Variants in C10orf90 observed in about 807,000 individuals in gnomAD.
C10orf90 encodes the protein chromosome 10 open reading frame 90.
A neutral mutation model predicts 62.5 loss-of-function variants in C10orf90; 56 were observed. The ratio of observed to expected loss-of-function variants is 0.90; its 90% CI spans 0.72 to 1.12. The LOEUF is 1.12. C10orf90 is among the 50% of genes most tolerant of loss of function. The pLI is 0.00. For missense variants in C10orf90, 970 were observed against 880.4 expected (o/e 1.10, Z -1.29); for synonymous variants, 386 against 340.4 (o/e 1.13, Z -1.47).
intron 1 of C10orf90, among the ~76,000 whole-genome samples, chr10:126,661,212 G>C (rs1211493107): frequency 6.6e-6 from 1 of 152,160 alleles, no homozygotes; most frequent in Non-Finnish European, 1.5e-5. Flanking sequence ...ATGGCTCTAT[G>C]ATAGAGTTGG....
At chr10:126,599,476 C>G (rs1309715902) in intron 2 of C10orf90, among the ~76,000 whole-genome samples, 2 of 151,774 alleles carry the variant, frequency 1.3e-5, no homozygotes, top group African/African-American at 2.4e-5. Context: ...CTGGATTCCA[C>G]TCTTAAAGAC....
chr10:126,521,877 G>T (rs1041510781), intron 2 of C10orf90, among the ~76,000 whole-genome samples: 2 of 152,164 alleles, frequency 1.3e-5, no homozygotes, highest in African/African-American at 4.8e-5. Flanking sequence ...GTAGCTTATA[G>T]TTAATAATGC....
intron 2 of C10orf90, among the ~76,000 whole-genome samples, chr10:126,530,760 C>A (rs2133954715): frequency 6.6e-6 from 1 of 151,898 alleles, no homozygotes; most frequent in East Asian, 1.9e-4. Context: ...AACATGCCAA[C>A]CCTACAAAAC....
intron 1 of C10orf90, among the ~76,000 whole-genome samples, chr10:126,657,751 G>T (rs975943381): frequency 5.9e-5 from 9 of 151,936 alleles, no homozygotes; most frequent in Admixed American, 4.6e-4. Flanking sequence ...GAGTAGCTGG[G>T]ATTACAGGCT....
At chr10:126,666,302 G>GA (rs1268401615) in intron 1 of C10orf90, among the ~76,000 whole-genome samples, 1 of 151,890 alleles carries the variant, frequency 6.6e-6, no homozygotes, top group Non-Finnish European at 1.5e-5. Context: ...CAAACAAATC[G>GA]AAAAAATAAG....
At chr10:126,584,291 CATCT>C (rs1265607873) in intron 2 of C10orf90, among the ~76,000 whole-genome samples, 1 of 151,826 alleles carries the variant, frequency 6.6e-6, no homozygotes, top group African/African-American at 2.4e-5. Context: ...CCTGTCCATC[CATCT>C]GCCTTTCCAC....
At chr10:126,573,447 TG>T (rs1844549140) in intron 2 of C10orf90, among the ~76,000 whole-genome samples, 2 of 152,190 alleles carry the variant, frequency 1.3e-5, no homozygotes, top group African/African-American at 4.8e-5. Context: ...AGGCAGAAAT[TG>T]GGCATAAGAC....
chr10:126,560,171 C>A (rs917349521), intron 2 of C10orf90, among the ~76,000 whole-genome samples: 1 of 152,122 alleles, frequency 6.6e-6, no homozygotes, highest in African/African-American at 2.4e-5. Context: ...CCTTGGCCAG[C>A]AAGAATTACT....
intron 2 of C10orf90, among the ~76,000 whole-genome samples, chr10:126,543,282 C>T (rs573509100): frequency 4.6e-5 from 7 of 152,234 alleles, no homozygotes; most frequent in Admixed American, 2.6e-4. Flanking sequence ...AGTCATCAAC[C>T]GTCTGTGCAC....
At chr10:126,635,886 T>C (rs1845941300) in intron 2 of C10orf90, among the ~76,000 whole-genome samples, 1 of 137,610 alleles carries the variant, frequency 7.3e-6, no homozygotes, top group Admixed American at 7.8e-5. Flanking sequence ...CTGTACTCAC[T>C]CCAAATGGTC....
At chr10:126,566,127 G>C (rs908800399) in intron 2 of C10orf90, among the ~76,000 whole-genome samples, 3 of 152,288 alleles carry the variant, frequency 2.0e-5, no homozygotes, top group Non-Finnish European at 4.4e-5. Flanking sequence ...TGGCATTTAT[G>C]CAAGGATAAC....
intron 2 of C10orf90, among the ~76,000 whole-genome samples, chr10:126,588,033 T>C (rs908853820): frequency 3.9e-5 from 6 of 152,198 alleles, no homozygotes; most frequent in East Asian, 3.9e-4. Context: ...ACCCACTGGC[T>C]TGGAATTCCA....
Position 126,429,788 on chromosome 10 carries a change from T to A in C10orf90, c.2251A>T (p.Arg751Ter), listed in dbSNP as rs1169575253. The part of the protein sequence containing the change: ...SEKEMHMRSK[R>*]IYDNLPEVKK... Reference sequence around the variant, plus strand: ...GCACACCATACAATAACCAAGTACCTCTTAGATCGCATATGCATCTCCTTC... The same window carrying A: ...GCACACCATACAATAACCAAGTACCACTTAGATCGCATATGCATCTCCTTC... The change falls in exon 8 of 10, where the codon AGA becomes TGA. Residue 751 changes from arginine (R) to a stop codon, truncating the protein, a stop_gained and splice_region_variant. Coordinates refer to ENST00000488181, the MANE Select transcript of C10orf90 (RefSeq NM_001350921.2). LOFTEE classifies it high-confidence loss of function. The A allele has an allele frequency of 6.2e-7, 1 of 1,613,896 alleles. No homozygotes were observed. Among genetic ancestry groups the A allele is most frequent in the East Asian group, 2.2e-5 (1 of 44,864 alleles).
At chr10:126,433,357 T>C (rs1231041874) in intron 7 of C10orf90, among the ~76,000 whole-genome samples, 1 of 151,162 alleles carries the variant, frequency 6.6e-6, no homozygotes, top group Non-Finnish European at 1.5e-5. Context: ...CAGGAGGGAG[T>C]GGTCAGGTCC....
intron 2 of C10orf90, among the ~76,000 whole-genome samples, chr10:126,566,566 C>G (rs1252075892): frequency 6.6e-6 from 1 of 152,156 alleles, no homozygotes; most frequent in Non-Finnish European, 1.5e-5. Flanking sequence ...AGGAAGGAAG[C>G]CACCGGCAAA....
At chr10:126,663,643 C>A (rs902453532) in intron 1 of C10orf90, among the ~76,000 whole-genome samples, 7 of 152,120 alleles carry the variant, frequency 4.6e-5, no homozygotes, top group Admixed American at 3.3e-4. Flanking sequence ...CTGCCCCCAC[C>A]CCCTGCCCTT....
intron 2 of C10orf90, among the ~76,000 whole-genome samples, chr10:126,625,522 T>C (rs1450827925): frequency 1.3e-5 from 2 of 152,158 alleles, no homozygotes; most frequent in African/African-American, 2.4e-5. Context: ...TCTTTTAGGG[T>C]GCACTCCTGC....
intron 2 of C10orf90, among the ~76,000 whole-genome samples, chr10:126,570,319 A>G (rs1268843614): frequency 6.6e-6 from 1 of 152,216 alleles, no homozygotes; most frequent in Non-Finnish European, 1.5e-5. Context: ...GACTTTACGC[A>G]CTGCCTAACT....
chr10:126,426,240 A>G (rs1240982550), intron 8 of C10orf90, 150 bp from the exon 9 acceptor site: 8 of 677,628 alleles, frequency 1.2e-5, no homozygotes, highest in Non-Finnish European at 1.3e-5. Context: ...GCCAGGACGA[A>G]GGGCTTTCCT....
Sources: allele counts gnomAD v4.1 joint callset (sites outside exome capture counted in the v4.1 genomes callset), GRCh38; gene constraint gnomAD v4.1.1; transcripts MANE v1.5; gene names NCBI Gene and HGNC (gene_info 2026-07-23, HGNC 2026-07-21).